The following CAMKMT variants were observed in gnomAD, a reference collection of about 807,000 sequenced individuals.
The protein encoded by CAMKMT is calmodulin-lysine N-methyltransferase, also known as CaM KMT.
Under a neutral mutation model 48.0 loss-of-function variants are expected in CAMKMT, and 53 were observed. The observed-to-expected ratio is 1.10, with a 90% confidence interval of 0.89 to 1.39. The LOEUF (loss-of-function observed/expected upper bound fraction) is 1.39, where lower values mean the gene tolerates loss of function less well. Among genes scored for constraint, CAMKMT ranks in the 40% most tolerant of loss-of-function variants. The pLI, the probability that CAMKMT is intolerant of heterozygous loss-of-function variation, is 0.00. For synonymous variants in CAMKMT, 165 were observed against 152.3 expected (o/e 1.08, Z -0.61); for missense variants, 428 against 402.7 (o/e 1.06, Z -0.54).
intron 3 of CAMKMT, among the ~76,000 whole-genome samples, chr2:44,572,741 A>G (rs1388172514): frequency 6.6e-5 from 10 of 152,154 alleles, no homozygotes; most frequent in Non-Finnish European, 1.5e-4. Flanking sequence ...GCTGCTATGG[A>G]CACAGGTGTA....
intron 3 of CAMKMT, among the ~76,000 whole-genome samples, chr2:44,505,339 G>A (rs940213705): frequency 2.0e-5 from 3 of 152,146 alleles, no homozygotes; most frequent in Non-Finnish European, 2.9e-5. Context: ...TCAGTCTGCA[G>A]CTACTCTTTT....
At chr2:44,648,579 A>G (rs894835316) in intron 3 of CAMKMT, among the ~76,000 whole-genome samples, 1 of 152,218 alleles carries the variant, frequency 6.6e-6, no homozygotes, top group Non-Finnish European at 1.5e-5. Flanking sequence ...TTCTTAAACT[A>G]TAAGAAATGT....
At chr2:44,440,152 A>G (rs1419371616) in intron 3 of CAMKMT, among the ~76,000 whole-genome samples, 1 of 152,120 alleles carries the variant, frequency 6.6e-6, no homozygotes, top group Non-Finnish European at 1.5e-5. Context: ...GTCTTATAAA[A>G]ATGTACTCAT....
intron 3 of CAMKMT, among the ~76,000 whole-genome samples, chr2:44,469,513 C>T (rs539755933): frequency 7.1e-6 from 1 of 141,350 alleles, no homozygotes; most frequent in South Asian, 2.1e-4. Flanking sequence ...TAATCCATTA[C>T]TTTTCTTTTT....
At chr2:44,507,303 A>C (rs1253817835) in intron 3 of CAMKMT, among the ~76,000 whole-genome samples, 3 of 152,188 alleles carry the variant, frequency 2.0e-5, no homozygotes, top group Non-Finnish European at 4.4e-5. Flanking sequence ...TCAATTTTGA[A>C]ACTCAGACCT....
At position 44,390,285 on chromosome 2, in the gene CAMKMT, T is replaced by A; in HGVS notation, c.356T>A (p.Phe119Tyr). The A allele has an allele frequency of 6.2e-7, 1 of 1,608,692 alleles. No homozygotes were observed. The highest frequency in any genetic ancestry group is 1.1e-5 in the South Asian group (1 of 90,400). The change falls in exon 3 of 11, where the codon TTT (phenylalanine) becomes TAT (tyrosine). Residue 119 changes from phenylalanine (F) to tyrosine (Y), a missense_variant. Phe to Tyr is a conservative substitution (Grantham distance 22). Transcript: ENST00000378494. ...AATGTTGAAGATGTCCTTACCAGCT[T>A]TGACAATACAGGAAATGTTTGTAAG... ...SLNVEDVLTS[F>Y]DNTGNVCIWP...
intron 3 of CAMKMT, among the ~76,000 whole-genome samples, chr2:44,567,074 G>GT (rs1668654480): frequency 6.6e-6 from 1 of 152,110 alleles, no homozygotes; most frequent in African/African-American, 2.4e-5. Context: ...GCTTGTGAGA[G>GT]TTATCAGTTG....
At chr2:44,584,238 C>T (rs914751275) in intron 3 of CAMKMT, among the ~76,000 whole-genome samples, 2 of 152,148 alleles carry the variant, frequency 1.3e-5, no homozygotes, top group Non-Finnish European at 2.9e-5. Context: ...TATAGATACA[C>T]CACAATTTAT....
chr2:44,610,114 C>T (rs1301848980), intron 3 of CAMKMT, among the ~76,000 whole-genome samples: 2 of 152,058 alleles, frequency 1.3e-5, no homozygotes, highest in Non-Finnish European at 2.9e-5. Flanking sequence ...AGTGAAGAGG[C>T]TACATTTCTG....
chr2:44,429,215 A>T (rs1230571633), intron 3 of CAMKMT, among the ~76,000 whole-genome samples: 1 of 151,840 alleles, frequency 6.6e-6, no homozygotes, highest in East Asian at 1.9e-4. Context: ...CTTTGAAGCA[A>T]TGTGGAATGT....
intron 3 of CAMKMT, among the ~76,000 whole-genome samples, chr2:44,434,353 T>C (rs949647812): frequency 6.6e-6 from 1 of 152,124 alleles, no homozygotes; most frequent in Non-Finnish European, 1.5e-5. Flanking sequence ...GTATTGCAAA[T>C]AACAGATGGC....
intron 3 of CAMKMT, among the ~76,000 whole-genome samples, chr2:44,605,306 T>A (rs1375042183): frequency 1.3e-5 from 2 of 152,200 alleles, no homozygotes; most frequent in African/African-American, 4.8e-5. Flanking sequence ...TGTGCTGCTG[T>A]TGCTCAAAGT....
At chr2:44,644,886 T>C (rs1281655839) in intron 3 of CAMKMT, among the ~76,000 whole-genome samples, 1 of 152,212 alleles carries the variant, frequency 6.6e-6, no homozygotes, top group Non-Finnish European at 1.5e-5. Context: ...TAATTGTATG[T>C]GGTATTCTTC....
At chr2:44,707,547 A>G in intron 6 of CAMKMT, 85 bp downstream of exon 6, 1 of 1,144,572 alleles carries the variant, frequency 8.7e-7, no homozygotes, top group Non-Finnish European at 1.3e-6. Flanking sequence ...GAAAGACAGC[A>G]TGGGGTATTA....
In CAMKMT at chr2:44,381,542, G is replaced by A. The variant is rs893508289; in HGVS notation, c.311+8654G>A. ...ACAAGAATGTTCACTGCAGCAGTGT[G>A]CACAATAGTACAAAATTGGGCACAA... On this transcript the variant is annotated intron_variant, in intron 2 of 10. Coordinates refer to ENST00000378494, the MANE Select transcript of CAMKMT (RefSeq NM_024766.5). 2.6e-5 allele frequency among the ~76,000 whole-genome samples: 4 copies of A among 152,128 alleles called. 1 individual carries two copies. The highest frequency in any genetic ancestry group is 2.1e-4 in the South Asian group (1 of 4,834).
intron 3 of CAMKMT, among the ~76,000 whole-genome samples, chr2:44,522,744 TA>T (rs1447953167): frequency 6.6e-6 from 1 of 152,210 alleles, no homozygotes; most frequent in African/African-American, 2.4e-5. Context: ...TTTAGTTTTT[TA>T]ACGCAGCAAG....
intron 3 of CAMKMT, among the ~76,000 whole-genome samples, chr2:44,643,221 A>G (rs1437366434): frequency 6.6e-6 from 1 of 152,232 alleles, no homozygotes; most frequent in Admixed American, 6.5e-5. Context: ...AACATTAATG[A>G]AAATAAGATT....
chr2:44,553,495 C>T (rs143049128), intron 3 of CAMKMT, among the ~76,000 whole-genome samples: 27 of 151,892 alleles, frequency 1.8e-4, no homozygotes, highest in African/African-American at 3.1e-4. Context: ...TGAGTAGCTG[C>T]GACTATAGGC....
At chr2:44,496,607 G>A (rs1195094055) in intron 3 of CAMKMT, among the ~76,000 whole-genome samples, 6 of 152,148 alleles carry the variant, frequency 3.9e-5, no homozygotes, top group Admixed American at 3.9e-4. Context: ...TTTCACTTCT[G>A]AACATGAGAT....
Sources: allele counts gnomAD v4.1 joint callset (sites outside exome capture counted in the v4.1 genomes callset), GRCh38; gene constraint gnomAD v4.1.1; transcripts MANE v1.5; gene names NCBI Gene and HGNC (gene_info 2026-07-23, HGNC 2026-07-21).